HDAC4: variants seen among roughly 807,000 people sequenced by gnomAD.
HDAC4 encodes the protein histone deacetylase A.
A neutral mutation model predicts 135.1 loss-of-function variants in HDAC4; 16 were observed. The observed-to-expected ratio is 0.12, with a 90% CI of 0.08 to 0.18. The LOEUF is 0.18. HDAC4 is among the 10% of genes least tolerant of loss of function. HDAC4 has a pLI of 1.00. For synonymous variants in HDAC4, 685 were observed against 653.4 expected, an observed-to-expected ratio of 1.05 and a Z score of -0.74; for missense variants, 1,143 against 1,511.8, an observed-to-expected ratio of 0.76 and a Z score of 4.05.
Position 239,331,514 on chromosome 2 carries a change from A to G in HDAC4, c.22+21164T>C, listed in dbSNP as rs897505584. On this transcript the variant is annotated intron_variant, in intron 2 of 26. Transcript: ENST00000543185. This position sits in a 1 kb window ranked among gnomAD's most constrained non-coding sequence, Gnocchi z 4.5. ...TTACTGCAACATAAAGATGAATGCAAGCCTGGAAAGCAAGCTGGGACTCGT... is the reference window on the plus strand; with the variant it reads ...TTACTGCAACATAAAGATGAATGCAGGCCTGGAAAGCAAGCTGGGACTCGT... Among the ~76,000 whole-genome samples, 1 of 152,216 alleles carries G rather than the reference A, an allele frequency of 6.6e-6. No individual in the cohort carries two copies. Among genetic ancestry groups the G allele is most frequent in the Non-Finnish European group, 1.5e-5 (1 of 68,038 alleles).
At chr2:239,371,974 C>T (rs1014332091) in intron 1 of HDAC4, among the ~76,000 whole-genome samples, 8 of 152,224 alleles carry the variant, frequency 5.3e-5, no homozygotes, top group African/African-American at 1.7e-4. Flanking sequence ...AGCTGGCGGA[C>T]GGGAGCAGCT....
At chr2:239,318,779 A>C (rs2053205261) in intron 2 of HDAC4, among the ~76,000 whole-genome samples, 1 of 152,236 alleles carries the variant, frequency 6.6e-6, no homozygotes, top group Non-Finnish European at 1.5e-5. Context: ...GCAAAATTAA[A>C]AGTTAAAAAG....
At chr2:239,082,372 C>A in intron 20 of HDAC4, 151 bp from the exon 21 acceptor site, 1 of 1,053,062 alleles carries the variant, frequency 9.5e-7, no homozygotes, top group Non-Finnish European at 1.4e-6. Flanking sequence ...ACCCGGCAGG[C>A]GCGATTCTGG....
chr2:239,372,714 T>C (rs184499792), intron 1 of HDAC4, among the ~76,000 whole-genome samples: 5 of 151,558 alleles, frequency 3.3e-5, no homozygotes, highest in Admixed American at 2.6e-4. Flanking sequence ...AGCTTCTTTC[T>C]CTCTTTCCTG....
In HDAC4 at chr2:239,303,260, T is replaced by TCCCC. The variant is rs1428415592; in HGVS notation, c.22+49414_22+49417dup. On this transcript the variant is annotated intron_variant, in intron 2 of 26. Coordinates refer to ENST00000543185, the MANE Select transcript of HDAC4 (RefSeq NM_001378414.1). The surrounding 1 kb of genome is among the most constrained non-coding windows in gnomAD (Gnocchi z 5.1). ...GGCCTGGAGGACAAGGTCCCTGGAATCCCCGACAGCTTGACAATGTGAAAT... is the reference window on the plus strand; with the variant it reads ...GGCCTGGAGGACAAGGTCCCTGGAATCCCCCCCCGACAGCTTGACAATGTGAAAT... 4.6e-5 allele frequency among the ~76,000 whole-genome samples: 7 copies of TCCCC among 152,236 alleles called. No individual in the cohort carries two copies.
In HDAC4 at chr2:239,331,557, TAGTG is replaced by T. The variant is rs1575705152; in HGVS notation, c.22+21117_22+21120del. 6.6e-6 allele frequency among the ~76,000 whole-genome samples: 1 copy of T among 152,084 alleles called. No homozygotes were observed. The highest frequency in any genetic ancestry group is 1.9e-4 in the East Asian group (1 of 5,190). On this transcript the variant is annotated intron_variant, in intron 2 of 26. Transcript: ENST00000543185. This position sits in a 1 kb window ranked among gnomAD's most constrained non-coding sequence, Gnocchi z 4.5. ...GGACTCGTGAACTAAGCCGCCCAGA[TAGTG>T]AGTTCTACGGGGGAAGCCTTCAGGA...
At chr2:239,221,476 C>T (rs1172356770) in intron 3 of HDAC4, among the ~76,000 whole-genome samples, 1 of 152,174 alleles carries the variant, frequency 6.6e-6, no homozygotes, top group African/African-American at 2.4e-5. Context: ...AGACCCTGTG[C>T]CCCTCCCCAG....
chr2:239,307,542 G>A lies in HDAC4; in HGVS notation c.22+45136C>T, dbSNP rs751713318. Reference sequence around the variant, plus strand: ...CACTAAGGCCCATCTCTGCAGCTCCGTCCTCTCACCTAGATAAAGTGAGTG... The same window carrying A: ...CACTAAGGCCCATCTCTGCAGCTCCATCCTCTCACCTAGATAAAGTGAGTG... On this transcript the variant is annotated intron_variant, in intron 2 of 26. Transcript: ENST00000543185. This position sits in a 1 kb window ranked among gnomAD's most constrained non-coding sequence, Gnocchi z 4.8. Among the ~76,000 whole-genome samples the A allele has an allele frequency of 4.6e-5, 7 of 152,098 alleles. No individual in the cohort carries two copies. Among genetic ancestry groups the A allele is most frequent in the Admixed American group, 1.3e-4 (2 of 15,278 alleles).
intron 2 of HDAC4, among the ~76,000 whole-genome samples, chr2:239,323,683 G>A (rs1234004501): frequency 6.6e-6 from 1 of 152,020 alleles, no homozygotes; most frequent in East Asian, 1.9e-4. Flanking sequence ...CATGGGAGAG[G>A]TAATGCTGAA....
chr2:239,158,852 G>C (rs1357811225), intron 6 of HDAC4, among the ~76,000 whole-genome samples: 1 of 152,076 alleles, frequency 6.6e-6, no homozygotes, highest in African/African-American at 2.4e-5. Context: ...GCGTCCAGCA[G>C]GGCGAGCAGA....
chr2:239,156,568 A>C, intron 7 of HDAC4, 84 bp downstream of exon 7: 1 of 1,543,574 alleles, frequency 6.5e-7, no homozygotes, highest in South Asian at 1.1e-5. Flanking sequence ...TAAGTGGAAG[A>C]CAGCGGTGGG....
At chr2:239,320,322 C>T (rs1027514537) in intron 2 of HDAC4, among the ~76,000 whole-genome samples, 2 of 141,360 alleles carry the variant, frequency 1.4e-5, no homozygotes, top group Admixed American at 7.7e-5. Flanking sequence ...GCGGAGGGTG[C>T]AGTGAGTCGA....
At chr2:239,210,482 A>G (rs1028619453) in intron 3 of HDAC4, among the ~76,000 whole-genome samples, 3 of 152,182 alleles carry the variant, frequency 2.0e-5, no homozygotes, top group African/African-American at 4.8e-5. Context: ...GCTAAACCCT[A>G]TTCTCAGCGT....
chr2:239,147,036 G>A (rs2041810989), intron 7 of HDAC4, among the ~76,000 whole-genome samples: 1 of 152,166 alleles, frequency 6.6e-6, no homozygotes, highest in Non-Finnish European at 1.5e-5. Flanking sequence ...GGGGCCCTCC[G>A]CTCGTCCCTG....
intron 2 of HDAC4, among the ~76,000 whole-genome samples, chr2:239,328,616 A>AAC (rs1348539927): frequency 6.6e-6 from 1 of 152,224 alleles, no homozygotes; most frequent in Admixed American, 6.5e-5. Flanking sequence ...AGGAAAAAGA[A>AAC]ACACCAAACA....
In HDAC4 at chr2:239,188,054, C is replaced by T. The variant is rs141183674; in HGVS notation, c.339+1779G>A. ...GTGCCAAGTCCAAAGACCCAGAGCC[C>T]GCAAGCAGCCCCTCAGGGTCCAGCC... On this transcript the variant is annotated intron_variant, in intron 4 of 26. Coordinates refer to ENST00000543185, the MANE Select transcript of HDAC4 (RefSeq NM_001378414.1). Among the ~76,000 whole-genome samples the T allele has an allele frequency of 4.2e-3, 647 of 152,300 alleles. 4 individuals carry two copies. Among genetic ancestry groups the T allele is most frequent in the African/African-American group, 0.014 (602 of 41,564 alleles).
rs1342273818 is a variant in HDAC4, at chr2:239,282,164, G to A, written c.23-45500C>T. Among the ~76,000 whole-genome samples, 15 of 141,896 alleles carry A rather than the reference G, an allele frequency of 1.1e-4. 1 individual carries two copies. The highest frequency in any genetic ancestry group is 3.5e-4 in the Admixed American group (5 of 14,152). 93.1% of individuals were successfully genotyped at this position (141,896 alleles called of 152,430 possible). ...TACAATGAACACACCACTCTACACT[G>A]AACACACCACTCTACACACAATGTA... On this transcript the variant is annotated intron_variant, in intron 2 of 26. Transcript: ENST00000543185.
chr2:239,231,706 CTCCCCAAA>C, intron 3 of HDAC4, among the ~76,000 whole-genome samples: 1 of 31,776 alleles, frequency 3.1e-5, no homozygotes, highest in Non-Finnish European at 6.3e-5. Flanking sequence ...GGTAGGCGTC[CTCCCCAAA>C]GCGCCCCTGT....
chr2:239,358,300 A>G (rs1467250883), intron 1 of HDAC4, among the ~76,000 whole-genome samples: 1 of 152,222 alleles, frequency 6.6e-6, no homozygotes, highest in Non-Finnish European at 1.5e-5. Context: ...CTGTGTTATT[A>G]GTCCCATACT....
Sources: gnomAD v4.1 joint callset for allele counts (sites outside exome capture counted in the v4.1 genomes callset) on GRCh38, gnomAD v4.1.1 for gene constraint, Gnocchi (gnomAD v3.1) non-coding constraint, MANE v1.5 for transcripts, NCBI Gene and HGNC (gene_info 2026-07-23, HGNC 2026-07-21) for gene names.